Variants in CARD14 observed in about 807,000 individuals in gnomAD.
CARD14 encodes caspase recruitment domain-containing protein 14.
CARD14 carries 107 observed loss-of-function variants against 111.5 expected under a neutral mutation model. That is an observed-to-expected ratio of 0.96 (90% CI 0.82 to 1.13). CARD14 has a LOEUF of 1.13. Ranked by LOEUF, CARD14 falls within the 50% of genes most tolerant of loss-of-function variation. The probability of loss-of-function intolerance (pLI) is 0.00; values close to 1 mark genes in which losing one functional copy is unlikely to be tolerated. For synonymous variants in CARD14, 617 were observed against 579.6 expected, an observed-to-expected ratio of 1.06 and a Z score of -0.93; for missense variants, 1,322 against 1,362.3, an observed-to-expected ratio of 0.97 and a Z score of 0.47.
chr17:80,202,712 T>A, intron 18 of CARD14: 1 of 895,352 alleles, frequency 1.1e-6, no homozygotes, highest in Non-Finnish European at 1.5e-6. Context: ...CCGTCTGTGG[T>A]GGGGCCGTCC....
rs894809441 is a variant in CARD14 at position 80,184,049 on chromosome 17, G to A, written c.486G>A (p.Leu162=). The A allele has an allele frequency of 1.3e-6, 2 of 1,588,408 alleles. No homozygotes were observed. The highest frequency in any genetic ancestry group is 1.7e-6 in the Non-Finnish European group (2 of 1,168,050). Residue 162 remains leucine (L), a synonymous_variant, in exon 7 of 24, where the codon CTG becomes CTA. Coordinates refer to ENST00000648509, the MANE Select transcript of CARD14 (RefSeq NM_001366385.1). ...AGCAGCTGCAGGAGCACCTGGGCCT[G>A]GCCGAGACCCGTGCCGAGGGCCTGC... The part of the protein sequence containing the change: ...RCQQLQEHLG[L]AETRAEGLHQ...
chr17:80,172,720 C>G (rs904966935), intron 1 of CARD14, among the ~76,000 whole-genome samples, 186 bp from the exon 2 acceptor site: 10 of 152,122 alleles, frequency 6.6e-5, no homozygotes, highest in African/African-American at 2.4e-4. Flanking sequence ...AAAGGACTGT[C>G]CCAGACAACC....
chr17:80,208,131 T>C lies in CARD14; in HGVS notation c.2808-7T>C. ...GAGCCCGCCCCCCCCAACTCTGGCCTGTGCAGGAAGGGCCTACAGCGGTTG... is the reference window on the plus strand; with the variant it reads ...GAGCCCGCCCCCCCCAACTCTGGCCCGTGCAGGAAGGGCCTACAGCGGTTG... On this transcript the variant is annotated splice_polypyrimidine_tract_variant and splice_region_variant and intron_variant, in intron 23 of 23. Coordinates refer to ENST00000648509, the MANE Select transcript of CARD14 (RefSeq NM_001366385.1). 2.1e-6 allele frequency: 3 copies of C among 1,451,360 alleles called. No individual in the cohort carries two copies. The South Asian group carries it at 3.8e-5, about 18-fold the overall frequency. 89.9% of individuals were successfully genotyped at this position (1,451,360 alleles called of 1,614,324 possible).
rs752314467 is a variant in CARD14, at chr17:80,195,270, C to G, written c.1436C>G (p.Pro479Arg). The part of the protein sequence containing the change: ...DSFRSSSPAP[P>R]SQQSLYKRVA... Reference sequence around the variant, plus strand: ...TTCCGCTCCAGCAGCCCCGCGCCCCCCAGCCAGCAGTCCCTGTACAAGCGG... The same window carrying G: ...TTCCGCTCCAGCAGCCCCGCGCCCCGCAGCCAGCAGTCCCTGTACAAGCGG... Residue 479 changes from proline to arginine, a missense_variant, in exon 13 of 24, where the codon CCC becomes CGC. Transcript: ENST00000648509. This position sits in a 1 kb window ranked among gnomAD's most constrained non-coding sequence, Gnocchi z 4.7. The G allele has an allele frequency of 6.2e-7, 1 of 1,612,980 alleles. No homozygotes were observed. The highest frequency in any genetic ancestry group is 1.7e-5 in the Admixed American group (1 of 60,010).
Position 80,185,239 on chromosome 17 carries a change from G to T in CARD14, c.675+1001G>T, listed in dbSNP as rs186248317. ...TTAAAAAAAAATTTTTTTTGAAATGGGGGGTTCTCATTATGTTGCCCAGGC... is the reference window on the plus strand; with the variant it reads ...TTAAAAAAAAATTTTTTTTGAAATGTGGGGTTCTCATTATGTTGCCCAGGC... On this transcript the variant is annotated intron_variant, in intron 7 of 23. Coordinates refer to ENST00000648509, the MANE Select transcript of CARD14 (RefSeq NM_001366385.1). Among the ~76,000 whole-genome samples the T allele has an allele frequency of 1.6e-3, 242 of 151,920 alleles. 2 individuals are homozygous for T. The highest frequency in any genetic ancestry group is 4.6e-3 in the Admixed American group (70 of 15,246).
intron 7 of CARD14, among the ~76,000 whole-genome samples, chr17:80,185,085 C>T (rs958762521): frequency 4.6e-5 from 7 of 152,110 alleles, no homozygotes; most frequent in Non-Finnish European, 5.9e-5. Flanking sequence ...GGCACTATCT[C>T]GCTCTGTCAC....
chr17:80,188,568 A>G lies in CARD14; in HGVS notation c.843+24A>G. 1 of 1,441,180 alleles carries G rather than the reference A, an allele frequency of 6.9e-7. No individual in the cohort carries two copies. The highest frequency in any genetic ancestry group is 9.1e-7 in the Non-Finnish European group (1 of 1,093,510). The allele number at this position is 1,441,180 out of a possible 1,614,324, so 89.3% of individuals were successfully genotyped here. On this transcript the variant is annotated intron_variant, in intron 8 of 23. Coordinates refer to ENST00000648509, the MANE Select transcript of CARD14 (RefSeq NM_001366385.1). This position sits in a 1 kb window ranked among gnomAD's most constrained non-coding sequence, Gnocchi z 4.5. ...TGGTAGGTTCCGGTCCCCGCAGCAG[A>G]GAGCGGCCTCCTGCCTTGGGGGCTT...
chr17:80,202,394 G>A lies in CARD14; in HGVS notation c.2193G>A (p.Ala731=), dbSNP rs35692270. The A allele has an allele frequency of 1.6e-3, 2,560 of 1,612,880 alleles. 33 individuals are homozygous for A. In the African/African-American group the frequency reaches 0.029, roughly 18 times the overall value. Residue 731 remains alanine (A), a synonymous_variant, in exon 18 of 24, where the codon GCG becomes GCA. Coordinates refer to ENST00000648509, the MANE Select transcript of CARD14 (RefSeq NM_001366385.1). ...CTTACACCATGAAGGATACTGCCGCGCACGGCACCATCCCCAACTACTCCA... is the reference window on the plus strand; with the variant it reads ...CTTACACCATGAAGGATACTGCCGCACACGGCACCATCCCCAACTACTCCA... ...VNSYTMKDTA[A]HGTIPNYSRA... is the part of the protein sequence containing the mutation.
At chr17:80,202,750 C>A in intron 18 of CARD14, 1 of 417,616 alleles carries the variant, frequency 2.4e-6, no homozygotes, top group Non-Finnish European at 3.8e-6. Context: ...AGAGCAGCAT[C>A]CCTGGCCGCC....
At position 80,202,188 on chromosome 17, in the gene CARD14, A is replaced by T; in HGVS notation, c.1987A>T (p.Arg663Trp). ...ATGTCCCCTTTTATCAGGTTATAAG[A>T]GGCTACTCCAGGACCTGGAGGCCAA... The part of the protein sequence containing the change: ...SVKVNTDGYK[R>W]LLQDLEAKVA... Residue 663 changes from arginine to tryptophan, a missense_variant, in exon 18 of 24, where the codon AGG becomes TGG. Transcript: ENST00000648509. The T allele has an allele frequency of 6.2e-7, 1 of 1,613,524 alleles. No homozygotes were observed. Among genetic ancestry groups the T allele is most frequent in the Non-Finnish European group, 8.5e-7 (1 of 1,179,788 alleles).
intron 4 of CARD14, among the ~76,000 whole-genome samples, chr17:80,180,702 T>A (rs6565643): frequency 0.63 from 96,020 of 151,676 alleles, 30,660 homozygotes; most frequent in Middle Eastern, 0.73. Context: ...CATAAAGAAC[T>A]TATAAAGCAG....
chr17:80,187,544 G>A (rs1357880193), intron 7 of CARD14, among the ~76,000 whole-genome samples: 1 of 152,206 alleles, frequency 6.6e-6, no homozygotes, highest in African/African-American at 2.4e-5. Flanking sequence ...ACGGTGACAT[G>A]CCCAGCCCAG....
Position 80,188,669 on chromosome 17 carries a change from C to G in CARD14, c.843+125C>G. 1.0e-6 allele frequency: 1 copy of G among 973,990 alleles called. No individual in the cohort carries two copies. 60.3% of individuals were successfully genotyped at this position (973,990 alleles called of 1,614,324 possible). A position where few individuals can be genotyped will look rare whatever the true frequency, so the allele number is the denominator to read the frequency against. ...AAGAACAAGAGATGAAATTTAGTGA[C>G]TCATCTCACCCACTTTCTCTTTACC... is the stretch of plus-strand genomic sequence containing the variant. On this transcript the variant is annotated intron_variant, in intron 8 of 23. Coordinates refer to ENST00000648509, the MANE Select transcript of CARD14 (RefSeq NM_001366385.1). This position sits in a 1 kb window ranked among gnomAD's most constrained non-coding sequence, Gnocchi z 4.5.
At chr17:80,172,074 C>G (rs999558003) in intron 1 of CARD14, among the ~76,000 whole-genome samples, 1 of 152,238 alleles carries the variant, frequency 6.6e-6, no homozygotes, top group African/African-American at 2.4e-5. Context: ...GGCCCCTTGG[C>G]AACTCGATAT....
At chr17:80,206,817 CT>C in intron 22 of CARD14, 152 bp from the exon 23 acceptor site, 1 of 446,526 alleles carries the variant, frequency 2.2e-6, no homozygotes, top group Non-Finnish European at 4.0e-6. Flanking sequence ...GTGGCAAGCT[CT>C]ATTCCCTCAT....
rs1200923089 is a variant in CARD14 at position 80,203,133 on chromosome 17, G to C, written c.2220-689G>C. ...AAATACAAAAAACTTAGCTGGGCGT[G>C]GTGGCAGGTGCCTGTAATCCCAGCT... is the stretch of plus-strand genomic sequence containing the variant. On this transcript the variant is annotated intron_variant, in intron 18 of 23. Transcript: ENST00000648509. The surrounding 1 kb of genome is among the most constrained non-coding windows in gnomAD (Gnocchi z 4.6). 4 of 152,198 alleles carry C rather than the reference G, an allele frequency of 2.6e-5. No homozygotes were observed. The highest frequency in any genetic ancestry group is 5.9e-5 in the Non-Finnish European group (4 of 68,104). The allele number at this position is 152,198 out of a possible 1,614,324, so 9.4% of individuals were successfully genotyped here.
At chr17:80,194,122 C>G (rs188148519) in intron 12 of CARD14, among the ~76,000 whole-genome samples, 1 of 152,094 alleles carries the variant, frequency 6.6e-6, no homozygotes. Flanking sequence ...CTGTTGCTCT[C>G]TCTGTCTGGA....
At position 80,198,705 on chromosome 17, in the gene CARD14, C is replaced by T. The variant is rs73429416; in HGVS notation, c.1851+114C>T. Reference sequence around the variant, plus strand: ...CCAGACGATGCAGATCCACTCTGGGCTGGGCCTCTGCTCTTTCCTGGGCTG... The same window carrying T: ...CCAGACGATGCAGATCCACTCTGGGTTGGGCCTCTGCTCTTTCCTGGGCTG... On this transcript the variant is annotated intron_variant, in intron 16 of 23. Transcript: ENST00000648509. This position sits in a 1 kb window ranked among gnomAD's most constrained non-coding sequence, Gnocchi z 7.5. 1.7e-3 allele frequency: 2,636 copies of T among 1,593,572 alleles called. 37 individuals carry two copies. The African/African-American group carries it at 0.031, about 19-fold the overall frequency.
chr17:80,176,649 G>A (rs555144039), intron 2 of CARD14, among the ~76,000 whole-genome samples: 1 of 152,306 alleles, frequency 6.6e-6, no homozygotes, highest in South Asian at 2.1e-4. Context: ...CCTCGGTGAT[G>A]CAGGGCAGGG....
Sources: gnomAD v4.1 joint callset for allele counts (sites outside exome capture counted in the v4.1 genomes callset) on GRCh38, gnomAD v4.1.1 for gene constraint, Gnocchi (gnomAD v3.1) non-coding constraint, MANE v1.5 for transcripts, NCBI Gene and HGNC (gene_info 2026-07-23, HGNC 2026-07-21) for gene names.